Variants in INO80D observed in about 807,000 individuals in gnomAD.
INO80D encodes INO80 complex subunit D.
INO80D carries 21 observed loss-of-function variants against 87.6 expected under a neutral mutation model. The ratio of observed to expected loss-of-function variants is 0.24; its 90% CI spans 0.17 to 0.35. The LOEUF is 0.35. Ranked by LOEUF, INO80D falls within the 10% of genes least tolerant of loss-of-function variation. The pLI is 1.00. For synonymous variants in INO80D, 440 were observed against 491.0 expected (o/e 0.90, Z 1.37); for missense variants, 982 against 1,280.7 (o/e 0.77, Z 3.56).
chr2:206,032,060 T>A (rs1373233812), intron 5 of INO80D, among the ~76,000 whole-genome samples: 1 of 152,060 alleles, frequency 6.6e-6, no homozygotes, highest in East Asian at 1.9e-4. Context: ...CCCAAGCAGG[T>A]CATTCCTGCC....
chr2:206,009,334 A>T (rs1688108710), intron 9 of INO80D, among the ~76,000 whole-genome samples: 1 of 132,058 alleles, frequency 7.6e-6, no homozygotes, highest in Non-Finnish European at 1.7e-5. Flanking sequence ...TTTTAAGTTG[A>T]GAGTATACAA....
Position 206,046,538 on chromosome 2 carries a change from A to T in INO80D, c.1039T>A (p.Ser347Thr). 2 of 1,613,222 alleles carry T rather than the reference A, an allele frequency of 1.2e-6. No individual in the cohort carries two copies. Among genetic ancestry groups the T allele is most frequent in the Non-Finnish European group, 1.7e-6 (2 of 1,179,296 alleles). ...EQASPYQVAW[S>T]IRETLRYQRH... ...TGATATCTGAGGGTTTCCCGGATGG[A>T]CCATGCAACCTGGTAGGGCGAGGCC... Residue 347 changes from serine (S) to threonine (T), a missense_variant, in exon 5 of 11, where the codon TCC (serine) becomes ACC (threonine). Transcript: ENST00000403263.
At chr2:206,053,244 G>C (rs1182946442) in intron 4 of INO80D, among the ~76,000 whole-genome samples, 2 of 152,056 alleles carry the variant, frequency 1.3e-5, no homozygotes, top group African/African-American at 4.8e-5. Context: ...ATCTACGACA[G>C]TTTATAAGGA....
intron 9 of INO80D, among the ~76,000 whole-genome samples, chr2:206,008,668 G>C (rs1688091078): frequency 6.6e-6 from 1 of 152,090 alleles, no homozygotes; most frequent in Non-Finnish European, 1.5e-5. Context: ...TGAAAGTAGA[G>C]TCACTGCAAA....
At chr2:206,020,620 CCACTTTGTA>C (rs1183641735) in intron 6 of INO80D, among the ~76,000 whole-genome samples, 2 of 151,748 alleles carry the variant, frequency 1.3e-5, no homozygotes, top group Non-Finnish European at 2.9e-5. Flanking sequence ...TTTTTTATCT[CCACTTTGTA>C]CACTTAATGT....
Position 206,041,797 on chromosome 2 carries a change from C to T in INO80D, c.1073+4707G>A, listed in dbSNP as rs558008072. On this transcript the variant is annotated intron_variant, in intron 5 of 10. Coordinates refer to ENST00000403263, the MANE Select transcript of INO80D (RefSeq NM_017759.5). ...TGGGAAACCCCAAAATACTCAAAAA[C>T]TAAGTATCATTTCTAAATAGCCCAT... 2.0e-5 allele frequency among the ~76,000 whole-genome samples: 3 copies of T among 152,214 alleles called. No individual in the cohort carries two copies. The East Asian group carries it at 5.8e-4, about 29-fold the overall frequency.
chr2:206,003,713 G>A lies in INO80D; in HGVS notation c.*655C>T, dbSNP rs1687946592. 1 of 154,222 alleles carries A rather than the reference G, an allele frequency of 6.5e-6. No homozygotes were observed. The highest frequency in any genetic ancestry group is 1.4e-5 in the Non-Finnish European group (1 of 69,430). 9.6% of individuals were successfully genotyped at this position (154,222 alleles called of 1,614,324 possible). ...AAAGTAAGAGTTTTATACTCATTAAGTAGGGGGAAGGGGAGAACAAAAAAA... is the reference window on the plus strand; with the variant it reads ...AAAGTAAGAGTTTTATACTCATTAAATAGGGGGAAGGGGAGAACAAAAAAA... On this transcript the variant is annotated 3_prime_UTR_variant, in exon 11 of 11. Transcript: ENST00000403263.
At chr2:206,039,385 A>T (rs1559447132) in intron 5 of INO80D, among the ~76,000 whole-genome samples, 1 of 152,096 alleles carries the variant, frequency 6.6e-6, no homozygotes, top group Non-Finnish European at 1.5e-5. Context: ...CAACAAAAGC[A>T]AAACGAAAGT....
chr2:206,034,615 T>A (rs997429985), intron 5 of INO80D, among the ~76,000 whole-genome samples: 6 of 152,192 alleles, frequency 3.9e-5, no homozygotes, highest in African/African-American at 1.4e-4. Flanking sequence ...AAGCCATCTA[T>A]AACAAACCCA....
At chr2:206,025,554 T>TATATATATATATATAC (rs1559439700) in intron 6 of INO80D, 69 of 124,132 alleles carry the variant, frequency 5.6e-4, no homozygotes, top group African/African-American at 1.8e-3. Context: ...TATATATATA[T>TATATATATATATATAC]ATATATATAT....
intron 4 of INO80D, among the ~76,000 whole-genome samples, chr2:206,052,293 A>G (rs567584965): frequency 6.6e-6 from 1 of 152,236 alleles, no homozygotes; most frequent in East Asian, 1.9e-4. Context: ...GTCCCAGTTC[A>G]AGCAATTCTC....
At position 206,086,079 on chromosome 2, in the gene INO80D, T is replaced by C. The variant is rs1690463885; in HGVS notation, c.-302A>G. The C allele has an allele frequency of 6.6e-6, 1 of 152,140 alleles. No individual in the cohort carries two copies. The highest frequency in any genetic ancestry group is 2.4e-5 in the African/African-American group (1 of 41,416). The allele number at this position is 152,140 out of a possible 1,614,324, so 9.4% of individuals were successfully genotyped here. A position where few individuals can be genotyped will look rare whatever the true frequency, so the allele number is the denominator to read the frequency against. ...GAGGGGTGAGGATCATATTTTTATTTTGGAAACTAAAAAGTGCTCCCAGGG... is the reference window on the plus strand; with the variant it reads ...GAGGGGTGAGGATCATATTTTTATTCTGGAAACTAAAAAGTGCTCCCAGGG... On this transcript the variant is annotated 5_prime_UTR_variant, in exon 1 of 11. Transcript: ENST00000403263.
intron 6 of INO80D, among the ~76,000 whole-genome samples, chr2:206,021,014 A>G (rs1255605823): frequency 6.6e-6 from 1 of 152,056 alleles, no homozygotes; most frequent in Non-Finnish European, 1.5e-5. Flanking sequence ...CTCTATTGAA[A>G]AAAAGAAAAA....
chr2:205,996,509 C>T lies in INO80D; in HGVS notation c.*7859G>A, dbSNP rs1478283748. The T allele has an allele frequency of 6.6e-6, 1 of 151,916 alleles. No homozygotes were observed. The highest frequency in any genetic ancestry group is 6.6e-5 in the Admixed American group (1 of 15,252). The allele number at this position is 151,916 out of a possible 1,614,324, so 9.4% of individuals were successfully genotyped here. On this transcript the variant is annotated 3_prime_UTR_variant, in exon 11 of 11. Coordinates refer to ENST00000403263, the MANE Select transcript of INO80D (RefSeq NM_017759.5). Reference sequence around the variant, plus strand: ...CTGATGATGTACTCTAGACTGTCACCTCCTCTGGCTTACAGAATAATCCAG... The same window carrying T: ...CTGATGATGTACTCTAGACTGTCACTTCCTCTGGCTTACAGAATAATCCAG...
chr2:206,070,011 C>T (rs192461991), intron 1 of INO80D, among the ~76,000 whole-genome samples: 37 of 152,244 alleles, frequency 2.4e-4, no homozygotes, highest in East Asian at 5.8e-4. Context: ...TGATGGTGCA[C>T]GCCTGTAATC....
At chr2:206,025,569 A>ATATATATATATATATATAT (rs1559439742) in intron 6 of INO80D, 1 of 120,880 alleles carries the variant, frequency 8.3e-6, no homozygotes, top group African/African-American at 2.8e-5. Context: ...ATATATATAT[A>ATATATATATATATATATAT]AAATAACTAA....
At chr2:206,079,034 C>G (rs1690202767) in intron 1 of INO80D, among the ~76,000 whole-genome samples, 1 of 151,830 alleles carries the variant, frequency 6.6e-6, no homozygotes, top group African/African-American at 2.4e-5. Context: ...CAGAAACCAT[C>G]ACAAAAAGTG....
chr2:206,034,430 T>C (rs1688843609), intron 5 of INO80D, among the ~76,000 whole-genome samples: 2 of 152,182 alleles, frequency 1.3e-5, no homozygotes, highest in Admixed American at 1.3e-4. Context: ...GATGCAGAGA[T>C]GGTTTAACAT....
In INO80D at chr2:206,002,205, T is replaced by C. The variant is rs552367104; in HGVS notation, c.*2163A>G. The C allele has an allele frequency of 6.6e-6, 1 of 152,148 alleles. No homozygotes were observed. Among genetic ancestry groups the C allele is most frequent in the Non-Finnish European group, 1.5e-5 (1 of 68,026 alleles). The allele number at this position is 152,148 out of a possible 1,614,324, so 9.4% of individuals were successfully genotyped here. A position where few individuals can be genotyped will look rare whatever the true frequency, so the allele number is the denominator to read the frequency against. On this transcript the variant is annotated 3_prime_UTR_variant, in exon 11 of 11. Coordinates refer to ENST00000403263, the MANE Select transcript of INO80D (RefSeq NM_017759.5). ...GTTATGCTTATGATGGTTGTGAAAA[T>C]AGTTTAACAAACTAAATGACATTTT...
Sources: gnomAD v4.1 joint callset for allele counts (sites outside exome capture counted in the v4.1 genomes callset) on GRCh38, gnomAD v4.1.1 for gene constraint, MANE v1.5 for transcripts, NCBI Gene and HGNC (gene_info 2026-07-23, HGNC 2026-07-21) for gene names.